The following MYH16 variants were observed in gnomAD, a reference collection of about 807,000 sequenced individuals.
MYH16 encodes the protein myosin heavy chain 16.
At chr7:99,275,457 C>T (rs1052694944) in intron 20 of MYH16, among the ~76,000 whole-genome samples, 1 of 152,104 alleles carries the variant, frequency 6.6e-6, no homozygotes, top group African/African-American at 2.4e-5. Flanking sequence ...GTAGTCTTAC[C>T]TGCTTTAATC....
At chr7:99,239,645 C>CA in intron 1 of MYH16, among the ~76,000 whole-genome samples, 1 of 152,322 alleles carries the variant, frequency 6.6e-6, no homozygotes, top group Middle Eastern at 3.4e-3. Context: ...TGCAGGGATC[C>CA]AACCTGGCTT....
At chr7:99,262,204 T>TC (rs1470808558) in intron 13 of MYH16, among the ~76,000 whole-genome samples, 10 of 152,210 alleles carry the variant, frequency 6.6e-5, no homozygotes, top group African/African-American at 2.2e-4. Flanking sequence ...GCATTTTGTT[T>TC]CCTTGGGATT....
At chr7:99,241,181 G>A (rs1461284680) in intron 1 of MYH16, among the ~76,000 whole-genome samples, 1 of 152,188 alleles carries the variant, frequency 6.6e-6, no homozygotes, top group Non-Finnish European at 1.5e-5. Context: ...TGGCTTCCCT[G>A]GCTCCTAAAA....
At chr7:99,305,318 C>T (rs1456234743) in intron 40 of MYH16, among the ~76,000 whole-genome samples, 1 of 152,162 alleles carries the variant, frequency 6.6e-6, no homozygotes, top group Non-Finnish European at 1.5e-5. Flanking sequence ...TCACCTTCCT[C>T]CCCAGAATGT....
intron 19 of MYH16, among the ~76,000 whole-genome samples, chr7:99,271,299 G>A (rs1238764106): frequency 3.9e-5 from 6 of 152,074 alleles, no homozygotes; most frequent in African/African-American, 1.2e-4. Flanking sequence ...GCCTGAGGTC[G>A]GGAGTTCAAG....
At chr7:99,297,230 A>T (rs764276244) in intron 34 of MYH16, among the ~76,000 whole-genome samples, 8 of 151,690 alleles carry the variant, frequency 5.3e-5, no homozygotes, top group Admixed American at 4.6e-4. Context: ...TCAGGAGTTC[A>T]AGACCAGCCT....
chr7:99,290,032 G>A (rs1792345293), intron 30 of MYH16, among the ~76,000 whole-genome samples: 1 of 152,166 alleles, frequency 6.6e-6, no homozygotes, highest in Non-Finnish European at 1.5e-5. Context: ...CTTTGCAGAA[G>A]CTGTGCTCTA....
At chr7:99,275,834 C>T (rs1294220816) in intron 20 of MYH16, among the ~76,000 whole-genome samples, 1 of 152,248 alleles carries the variant, frequency 6.6e-6, no homozygotes, top group Non-Finnish European at 1.5e-5. Context: ...CGGATTCAAG[C>T]GATTCTCCTG....
At chr7:99,278,102 C>T (rs965605336) in intron 21 of MYH16, among the ~76,000 whole-genome samples, 1 of 151,952 alleles carries the variant, frequency 6.6e-6, no homozygotes, top group Non-Finnish European at 1.5e-5. Flanking sequence ...GGGACTACAC[C>T]ACCATGCCTG....
At chr7:99,269,797 TC>T (rs1223237211) in intron 18 of MYH16, among the ~76,000 whole-genome samples, 1 of 151,882 alleles carries the variant, frequency 6.6e-6, no homozygotes, top group African/African-American at 2.4e-5. Flanking sequence ...TTGCTCATGG[TC>T]CTGTGCAGGA....
intron 20 of MYH16, among the ~76,000 whole-genome samples, chr7:99,275,733 T>C (rs1235416697): frequency 6.6e-6 from 1 of 152,174 alleles, no homozygotes; most frequent in Non-Finnish European, 1.5e-5. Context: ...CCTGTTCTAA[T>C]TAGTTTTTCT....
chr7:99,290,152 G>A (rs770670459), intron 30 of MYH16, among the ~76,000 whole-genome samples: 1 of 152,178 alleles, frequency 6.6e-6, no homozygotes, highest in Non-Finnish European at 1.5e-5. Context: ...AGAACTTGCA[G>A]GCAGCCTTTG....
intron 9 of MYH16, among the ~76,000 whole-genome samples, chr7:99,256,275 CAAAAAAAAAAAA>C (rs55894638): frequency 1.4e-5 from 1 of 71,036 alleles, no homozygotes; most frequent in African/African-American, 5.3e-5. Flanking sequence ...CCCGTCTCTG[CAAAAAAAAAAAA>C]AAAAAAAAAA....
At chr7:99,299,482 G>A in exon 37 of MYH16, 1 of 153,040 alleles carries the variant, frequency 6.5e-6, no homozygotes. Flanking sequence ...CCACCAGCGG[G>A]CAATCGAGTC....
At chr7:99,294,994 G>A (rs1443195950) in intron 33 of MYH16, among the ~76,000 whole-genome samples, 1 of 152,132 alleles carries the variant, frequency 6.6e-6, no homozygotes, top group Non-Finnish European at 1.5e-5. Context: ...AGCTATGACT[G>A]CACCACTGCA....
At chr7:99,296,614 G>A (rs1792497649) in intron 33 of MYH16, 87 bp from the exon 15 acceptor site, 1 of 431,698 alleles carries the variant, frequency 2.3e-6, no homozygotes, top group East Asian at 7.1e-5. Context: ...TGGGGAAAGG[G>A]AGGGAAGAGA....
chr7:99,292,224 C>T (rs984155569), intron 31 of MYH16, 88 bp from the exon 13 acceptor site: 15 of 383,606 alleles, frequency 3.9e-5, no homozygotes, highest in African/African-American at 2.5e-4. Flanking sequence ...CCTGCCATCA[C>T]TGCTGCTCCA....
intron 28 of MYH16, among the ~76,000 whole-genome samples, chr7:99,287,533 CAA>C (rs397889162): frequency 1.3e-4 from 6 of 46,872 alleles, no homozygotes; most frequent in African/African-American, 6.7e-5. Context: ...AACTTCTTCT[CAA>C]AAAAAAAAAA....
chr7:99,287,004 G>C (rs1792289014), intron 28 of MYH16, among the ~76,000 whole-genome samples: 3 of 152,174 alleles, frequency 2.0e-5, no homozygotes, highest in South Asian at 4.1e-4. Flanking sequence ...AAGAGGAAAG[G>C]GCACAGCAGG....
Sources: gnomAD v4.1 joint callset for allele counts (sites outside exome capture counted in the v4.1 genomes callset) on GRCh38, gnomAD v4.1.1 for gene constraint, MANE v1.5 for transcripts, NCBI Gene and HGNC (gene_info 2026-07-23, HGNC 2026-07-21) for gene names.